Variants in ZNF560 observed in about 807,000 individuals in gnomAD.
ZNF560 encodes zinc finger protein 560.
Under a neutral mutation model 81.8 loss-of-function variants are expected in ZNF560, and 54 were observed. That is an observed-to-expected ratio of 0.66 (90% CI 0.53 to 0.83). The LOEUF is 0.83. Ranked by LOEUF, ZNF560 falls within the 40% of genes least tolerant of loss-of-function variation. ZNF560 has a pLI of 0.00. For synonymous variants in ZNF560, 321 were observed against 317.9 expected, an observed-to-expected ratio of 1.01 and a Z score of -0.10; for missense variants, 940 against 932.4, an observed-to-expected ratio of 1.01 and a Z score of -0.11.
the ZNF560 span, among the ~76,000 whole-genome samples, chr19:9,447,075 A>G: frequency 2.0e-5 from 3 of 147,500 alleles, no homozygotes; most frequent in Non-Finnish European, 4.4e-5. Context: ...CGGAGGTTGC[A>G]GTGGGCCAAG....
the ZNF560 span, among the ~76,000 whole-genome samples, chr19:9,455,327 C>T: frequency 1.3e-5 from 2 of 152,194 alleles, no homozygotes; most frequent in African/African-American, 4.8e-5. Context: ...CACTCTTACT[C>T]GAGCCTGTCT....
At chr19:9,496,312 C>T (rs1410403968) in intron 2 of ZNF560, among the ~76,000 whole-genome samples, 1 of 151,922 alleles carries the variant, frequency 6.6e-6, no homozygotes, top group African/African-American at 2.4e-5. Context: ...TGACACTGCA[C>T]TCCACCCTGG....
chr19:9,446,651 A>G, the ZNF560 span, among the ~76,000 whole-genome samples: 1 of 152,174 alleles, frequency 6.6e-6, no homozygotes, highest in African/African-American at 2.4e-5. Context: ...ACTGTATTAC[A>G]TTATGTGGCA....
At position 9,466,994 on chromosome 19, in the gene ZNF560, A is replaced by G. The variant is rs751234310; in HGVS notation, c.1953T>C (p.Thr651=). The stretch of plus-strand genomic sequence containing the variant: ...CATTACATTTATAGGGTTTATATCC[A>G]GTGTGAGTTCTTAAATGATCAACTA... ...SSLVDHLRTH[T]GYKPYKCNAC... Residue 651 remains threonine, a synonymous_variant, in exon 10 of 10, where the codon ACT becomes ACC. Coordinates refer to ENST00000301480, the MANE Select transcript of ZNF560 (RefSeq NM_152476.3). 1 of 1,614,116 alleles carries G rather than the reference A, an allele frequency of 6.2e-7. No homozygotes were observed. The highest frequency in any genetic ancestry group is 8.5e-7 in the Non-Finnish European group (1 of 1,180,026).
chr19:9,449,177 C>G, the ZNF560 span, among the ~76,000 whole-genome samples: 1 of 152,134 alleles, frequency 6.6e-6, no homozygotes, highest in Admixed American at 6.5e-5. Flanking sequence ...AACATTCTAC[C>G]CATCAACCAC....
intron 2 of ZNF560, among the ~76,000 whole-genome samples, chr19:9,495,672 A>T (rs1030007290): frequency 1.3e-5 from 2 of 152,178 alleles, no homozygotes; most frequent in Non-Finnish European, 2.9e-5. Context: ...GCACCACTGC[A>T]CTCCAGCCTG....
Position 9,466,443 on chromosome 19 carries a change from CAACT to C in ZNF560, c.*127_*130del. 1.3e-6 allele frequency: 1 copy of C among 799,818 alleles called. No individual in the cohort carries two copies. Among genetic ancestry groups the C allele is most frequent in the Non-Finnish European group, 2.0e-6 (1 of 509,316 alleles). 49.5% of individuals were successfully genotyped at this position (799,818 alleles called of 1,614,324 possible). ...GAGTTTGTACATATCTAGAAAGATT[CAACT>C]GTTCAGGCTTTCTCACATTCCTTAC... On this transcript the variant is annotated 3_prime_UTR_variant, in exon 10 of 10. Coordinates refer to ENST00000301480, the MANE Select transcript of ZNF560 (RefSeq NM_152476.3).
At chr19:9,506,510 A>C in the ZNF560 span, among the ~76,000 whole-genome samples, 1 of 152,004 alleles carries the variant, frequency 6.6e-6, no homozygotes, top group Non-Finnish European at 1.5e-5. Context: ...AGTAAAAAGT[A>C]AAAACTGGAA....
upstream of ZNF560, among the ~76,000 whole-genome samples, chr19:9,501,572 GCTGGT>G (rs1213547665): frequency 6.6e-6 from 1 of 151,728 alleles, no homozygotes; most frequent in Non-Finnish European, 1.5e-5. Flanking sequence ...TGTTGGCCAG[GCTGGT>G]CTCAAACTCC....
chr19:9,447,452 G>T, the ZNF560 span, among the ~76,000 whole-genome samples: 3,669 of 152,168 alleles, frequency 0.024, 156 homozygotes, highest in African/African-American at 0.085. Flanking sequence ...AGCTCAGCTA[G>T]ATCCAAGACA....
At chr19:9,449,248 A>G in the ZNF560 span, among the ~76,000 whole-genome samples, 1 of 152,208 alleles carries the variant, frequency 6.6e-6, no homozygotes, top group Non-Finnish European at 1.5e-5. Flanking sequence ...TCAGCCATAA[A>G]GCAAGTCTCA....
At chr19:9,455,010 G>T in the ZNF560 span, among the ~76,000 whole-genome samples, 1 of 152,058 alleles carries the variant, frequency 6.6e-6, no homozygotes, top group South Asian at 2.1e-4. Context: ...TTTTCTGGAG[G>T]ACACTGAGCA....
chr19:9,467,940 G>A lies in ZNF560; in HGVS notation c.1007C>T (p.Ala336Val), dbSNP rs1196259130. 6 of 1,613,988 alleles carry A rather than the reference G, an allele frequency of 3.7e-6. No individual in the cohort carries two copies. The highest frequency in any genetic ancestry group is 5.1e-6 in the Non-Finnish European group (6 of 1,180,006). ...GEAFTHSTSHAVNVETHIIKN... is the reference protein window; with the variant it reads ...GEAFTHSTSHVVNVETHIIKN... ...AATAATGTGTGTTTCAACATTTACA[G>A]CATGGCTTGTGGAGTGAGTAAATGC... The change falls in exon 10 of 10, where the codon GCT becomes GTT. Residue 336 changes from alanine to valine, a missense_variant. Ala to Val is a moderately conservative substitution (Grantham distance 64). Transcript: ENST00000301480.
chr19:9,503,085 G>A (rs999139561), upstream of ZNF560, among the ~76,000 whole-genome samples: 1 of 151,978 alleles, frequency 6.6e-6, no homozygotes, highest in Non-Finnish European at 1.5e-5. Flanking sequence ...GCCAGGTAAT[G>A]TGGCTCACAC....
At chr19:9,502,014 C>G (rs1038851415), upstream of ZNF560, among the ~76,000 whole-genome samples, 2 of 151,718 alleles carry the variant, frequency 1.3e-5, no homozygotes, top group East Asian at 4.0e-4. Flanking sequence ...ATTGGCTGGG[C>G]ATGGTGGCAT....
intron 2 of ZNF560, among the ~76,000 whole-genome samples, chr19:9,476,854 A>G (rs961800319): frequency 2.2e-4 from 33 of 152,196 alleles, no homozygotes; most frequent in African/African-American, 7.5e-4. Context: ...AGATTTTTGG[A>G]AAAACTTACC....
In ZNF560 at chr19:9,468,931, T is replaced by C. The variant is rs912621322; in HGVS notation, c.612+174A>G. ...TTTTAGTAGAGATGGGGTTTCACCA[T>C]ATTGGCCAGGCTGGTCTCGAACTCC... is the stretch of plus-strand genomic sequence containing the variant. On this transcript the variant is annotated intron_variant, in intron 9 of 9. Transcript: ENST00000301480. Among the ~76,000 whole-genome samples the C allele has an allele frequency of 1.3e-5, 2 of 152,096 alleles. 1 individual carries two copies. Among genetic ancestry groups the C allele is most frequent in the South Asian group, 4.1e-4 (2 of 4,832 alleles).
the ZNF560 span, among the ~76,000 whole-genome samples, chr19:9,448,272 C>T: frequency 6.6e-6 from 1 of 151,858 alleles, no homozygotes; most frequent in Admixed American, 6.6e-5. Flanking sequence ...ACTCTTGTTG[C>T]CCAGGCTGGA....
chr19:9,470,659 G>A, intron 6 of ZNF560, 141 bp from the exon 7 acceptor site: 1 of 1,101,590 alleles, frequency 9.1e-7, no homozygotes, highest in Admixed American at 2.1e-5. Flanking sequence ...GTGGCCCTAG[G>A]AACTCTTCTA....
Sources: gnomAD v4.1 joint callset for allele counts (sites outside exome capture counted in the v4.1 genomes callset) on GRCh38, gnomAD v4.1.1 for gene constraint, MANE v1.5 for transcripts, NCBI Gene and HGNC (gene_info 2026-07-23, HGNC 2026-07-21) for gene names.